Variants in PLEK2 observed in about 807,000 individuals in gnomAD.
PLEK2 encodes the protein pleckstrin 2, also known as pleckstrin-2.
PLEK2 carries 29 observed loss-of-function variants against 43.8 expected under a neutral mutation model. The ratio of observed to expected loss-of-function variants is 0.66; its 90% CI spans 0.49 to 0.90. PLEK2 has a LOEUF of 0.90. PLEK2 is among the 40% of genes least tolerant of loss of function. The pLI is 0.00. For missense variants in PLEK2, 398 were observed against 448.1 expected (o/e 0.89, Z 1.01); for synonymous variants, 162 against 173.2 (o/e 0.94, Z 0.51).
chr14:67,388,116 G>T, intron 8 of PLEK2, 108 bp downstream of exon 8: 1 of 697,902 alleles, frequency 1.4e-6, no homozygotes, highest in Non-Finnish European at 2.6e-6. Context: ...GTCTCATGGA[G>T]AAAGCCCTGC....
chr14:67,398,066 A>C (rs763523618), intron 1 of PLEK2: 1 of 361,246 alleles, frequency 2.8e-6, no homozygotes, highest in Non-Finnish European at 4.9e-6. Flanking sequence ...CTACAAAGTA[A>C]AAAGAAGAGA....
chr14:67,407,167 G>A (rs2086084296), intron 1 of PLEK2, among the ~76,000 whole-genome samples: 1 of 152,076 alleles, frequency 6.6e-6, no homozygotes, highest in African/African-American at 2.4e-5. Context: ...TGTCGCCCGG[G>A]CTAGAGTGCT....
intron 1 of PLEK2, among the ~76,000 whole-genome samples, chr14:67,410,549 C>T (rs2086109793): frequency 6.6e-6 from 1 of 152,188 alleles, no homozygotes; most frequent in African/African-American, 2.4e-5. Context: ...TCCAGTCTGA[C>T]CCTTGATCTG....
chr14:67,392,662 A>T lies in PLEK2; in HGVS notation c.669T>A (p.Phe223Leu), dbSNP rs1457325800. 6.2e-7 allele frequency: 1 copy of T among 1,608,450 alleles called. No homozygotes were observed. The highest frequency in any genetic ancestry group is 2.2e-5 in the East Asian group (1 of 44,734). Residue 223 changes from phenylalanine to leucine, a missense_variant and splice_region_variant, in exon 5 of 9, where the codon TTT (phenylalanine) becomes TTA (leucine). By Grantham distance (22) the Phe-to-Leu change is conservative. Coordinates refer to ENST00000216446, the MANE Select transcript of PLEK2 (RefSeq NM_016445.3). ...FLDDSTALYT[F>L]AESYKKKISP... ...AAGAAGAACCCACTCCCCAACTTACAAAAGTGTACAGGGCTGTGGAGTCAT... is the reference window on the plus strand; with the variant it reads ...AAGAAGAACCCACTCCCCAACTTACTAAAGTGTACAGGGCTGTGGAGTCAT...
chr14:67,412,054 C>T lies in PLEK2; in HGVS notation c.6G>A (p.Glu2=). The T allele has an allele frequency of 1.3e-6, 2 of 1,551,376 alleles. No individual in the cohort carries two copies. The highest frequency in any genetic ancestry group is 1.7e-6 in the Non-Finnish European group (2 of 1,151,998). The change falls in exon 1 of 9, where the codon GAG becomes GAA. Residue 2 remains glutamate (E), a synonymous_variant. Coordinates refer to ENST00000216446, the MANE Select transcript of PLEK2 (RefSeq NM_016445.3). M[E]DGVLKEGFLV... ...GGAAGCCCTCCTTGAGCACGCCGTC[C>T]TCCATGTCGCCGCCCGCACGCCAGG...
chr14:67,387,683 C>CCTGGAAG (rs2085936720), intron 8 of PLEK2, among the ~76,000 whole-genome samples: 1 of 152,210 alleles, frequency 6.6e-6, no homozygotes, highest in Non-Finnish European at 1.5e-5. Context: ...TCTGGATATT[C>CCTGGAAG]CTGGAAGCCC....
In PLEK2 at chr14:67,392,828, A is replaced by C; in HGVS notation, c.503T>G (p.Leu168Arg). 6.2e-7 allele frequency: 1 copy of C among 1,612,844 alleles called. No individual in the cohort carries two copies. The highest frequency in any genetic ancestry group is 2.2e-5 in the East Asian group (1 of 44,832). Residue 168 changes from leucine (L) to arginine (R), a missense_variant, in exon 5 of 9, where the codon CTC becomes CGC. Coordinates refer to ENST00000216446, the MANE Select transcript of PLEK2 (RefSeq NM_016445.3). ...GCTGGCCGTGAAGCTGTTGGAGATG[A>C]GCCAGTCCACCAGGGAGGAGCCTGG... Reference protein sequence around the residue: ...TFLGSSLVDWLISNSFTASRL... With the variant: ...TFLGSSLVDWRISNSFTASRL...
intron 1 of PLEK2, among the ~76,000 whole-genome samples, chr14:67,409,172 G>A (rs541134872): frequency 1.2e-4 from 19 of 152,264 alleles, no homozygotes; most frequent in African/African-American, 4.6e-4. Flanking sequence ...GAGCCTGGGA[G>A]GTCAAGGCTG....
chr14:67,405,838 C>T (rs2086074884), intron 1 of PLEK2, among the ~76,000 whole-genome samples: 1 of 152,214 alleles, frequency 6.6e-6, no homozygotes, highest in Admixed American at 6.5e-5. Flanking sequence ...ACCCTACAGC[C>T]AGTCAAGCCT....
At chr14:67,406,439 G>A (rs1031873757) in intron 1 of PLEK2, among the ~76,000 whole-genome samples, 20 of 152,092 alleles carry the variant, frequency 1.3e-4, no homozygotes, top group African/African-American at 7.2e-5. Flanking sequence ...GGCAGGTCAG[G>A]AAGTCAAGGA....
chr14:67,390,651 A>G lies in PLEK2; in HGVS notation c.855+12T>C. 4 of 1,584,054 alleles carry G rather than the reference A, an allele frequency of 2.5e-6. No homozygotes were observed. The highest frequency in any genetic ancestry group is 3.5e-6 in the Non-Finnish European group (4 of 1,152,622). ...AACATGGGACCAACATGGAGCCAGC[A>G]TGCGCACTCACTTTGGAAGGGTCAT... On this transcript the variant is annotated intron_variant, in intron 7 of 8. Transcript: ENST00000216446.
intron 1 of PLEK2, among the ~76,000 whole-genome samples, chr14:67,405,591 G>A (rs1306530444): frequency 2.0e-5 from 3 of 152,170 alleles, no homozygotes; most frequent in African/African-American, 7.2e-5. Flanking sequence ...TTTTACTAGG[G>A]TTGGTCTGTA....
intron 7 of PLEK2, 116 bp from the exon 8 acceptor site, chr14:67,388,418 G>A (rs1377006802): frequency 1.4e-6 from 1 of 709,136 alleles, no homozygotes; most frequent in Non-Finnish European, 2.6e-6. Context: ...TGTAATAGAA[G>A]ATGAAGCTGA....
intron 1 of PLEK2, among the ~76,000 whole-genome samples, chr14:67,399,849 G>A (rs1468143836): frequency 2.6e-5 from 4 of 152,212 alleles, no homozygotes; most frequent in African/African-American, 9.6e-5. Flanking sequence ...TCAGTGGATG[G>A]GGAAATGTCT....
chr14:67,388,401 A>C, intron 7 of PLEK2, 99 bp from the exon 8 acceptor site: 1 of 743,852 alleles, frequency 1.3e-6, no homozygotes, highest in East Asian at 2.5e-5. Context: ...AGTGAGTGCA[A>C]ATCATTTGTA....
Position 67,395,417 on chromosome 14 carries a change from G to A in PLEK2, c.374C>T (p.Pro125Leu), listed in dbSNP as rs761465766. 3 of 1,613,722 alleles carry A rather than the reference G, an allele frequency of 1.9e-6. No homozygotes were observed. Among genetic ancestry groups the A allele is most frequent in the East Asian group, 2.2e-5 (1 of 44,876 alleles). ...GGGCACTCACTGCAGGCTGATGTGC[G>A]GGGGCAGCTTGAAGGAGTTTCTCAG... ...HSLRNSFKLP[P>L]HISLHRIVDK... is the part of the protein sequence containing the mutation. The change falls in exon 3 of 9, where the codon CCG becomes CTG. Residue 125 changes from proline to leucine, a missense_variant. Physicochemically the swap from Pro to Leu is moderately conservative, Grantham distance 98. Coordinates refer to ENST00000216446, the MANE Select transcript of PLEK2 (RefSeq NM_016445.3).
intron 6 of PLEK2, among the ~76,000 whole-genome samples, chr14:67,391,570 G>A (rs547947020): frequency 3.1e-4 from 47 of 152,280 alleles, no homozygotes; most frequent in African/African-American, 9.9e-4. Context: ...CACATGCTCC[G>A]AGTAACGATG....
chr14:67,411,937 G>A, intron 1 of PLEK2, 81 bp downstream of exon 1: 1 of 1,292,188 alleles, frequency 7.7e-7, no homozygotes. Flanking sequence ...CCGTTCCGGG[G>A]CGCGCGTCTG....
At chr14:67,395,333 G>T (rs1047314524) in intron 3 of PLEK2, 69 bp downstream of exon 3, 4 of 1,434,228 alleles carry the variant, frequency 2.8e-6, no homozygotes, top group East Asian at 2.3e-5. Flanking sequence ...CCCCCAAGGG[G>T]CAGGGTCCCC....
Sources: gnomAD v4.1 joint callset for allele counts (sites outside exome capture counted in the v4.1 genomes callset) on GRCh38, gnomAD v4.1.1 for gene constraint, MANE v1.5 for transcripts, NCBI Gene and HGNC (gene_info 2026-07-23, HGNC 2026-07-21) for gene names.